Variants in MELTF observed in about 807,000 individuals in gnomAD.
The protein encoded by MELTF is antigen p97 (melanoma associated) identified by monoclonal antibodies 133.2 and 96.5.
In MELTF, 67 loss-of-function variants were observed where a neutral mutation model predicts 83.7. The observed-to-expected ratio is 0.80, with a 90% CI of 0.66 to 0.98. MELTF has a LOEUF of 0.98. Ranked by LOEUF, MELTF falls within the 50% of genes least tolerant of loss-of-function variation. The pLI, the probability that MELTF is intolerant of heterozygous loss-of-function variation, is 0.00. For missense variants in MELTF, 1,002 were observed against 1,035.6 expected, an observed-to-expected ratio of 0.97 and a Z score of 0.44; for synonymous variants, 462 against 447.6, an observed-to-expected ratio of 1.03 and a Z score of -0.41.
In MELTF at chr3:197,022,953, T is replaced by C; in HGVS notation, c.644+4A>G. The stretch of plus-strand genomic sequence containing the variant: ...CGGCCCCTCCCTGCCCCCACTCCGC[T>C]CACCGGAAGGCCCCGCTGTAGTCGT... On this transcript the variant is annotated splice_donor_region_variant and intron_variant, in intron 5 of 15. Transcript: ENST00000296350. The surrounding 1 kb of genome is among the most constrained non-coding windows in gnomAD (Gnocchi z 5.1). The C allele has an allele frequency of 6.2e-7, 1 of 1,603,678 alleles. No individual in the cohort carries two copies.
chr3:197,016,230 T>TG lies in MELTF; in HGVS notation c.1039_1040insC (p.Glu347AlafsTer12), dbSNP rs1719366766. 6.3e-7 allele frequency: 1 copy of TG among 1,599,108 alleles called. No individual in the cohort carries two copies. The highest frequency in any genetic ancestry group is 8.5e-7 in the Non-Finnish European group (1 of 1,172,966). On this transcript the variant is annotated frameshift_variant, in exon 8 of 16. Transcript: ENST00000296350. LOFTEE classifies it high-confidence loss of function. Reference sequence around the variant, plus strand: ...CAGACCCTTCATGGCGTGCAGGTACTCATGGCCCAGCCACGCCTCATAGGT... The same window carrying TG: ...CAGACCCTTCATGGCGTGCAGGTACTGCATGGCCCAGCCACGCCTCATAGGT...
chr3:197,022,857 C>T lies in MELTF; in HGVS notation c.644+100G>A. The stretch of plus-strand genomic sequence containing the variant: ...ATGAGACGCAGCCAACATGCCACTT[C>T]CCCCTCCACGGCCCTCTCTGGGCAA... On this transcript the variant is annotated intron_variant, in intron 5 of 15. Transcript: ENST00000296350. This position sits in a 1 kb window ranked among gnomAD's most constrained non-coding sequence, Gnocchi z 5.1. The T allele has an allele frequency of 8.7e-7, 1 of 1,152,832 alleles. No individual in the cohort carries two copies. The highest frequency in any genetic ancestry group is 1.2e-6 in the Non-Finnish European group (1 of 803,966). The allele number at this position is 1,152,832 out of a possible 1,614,324, so 71.4% of individuals were successfully genotyped here. A position where few individuals can be genotyped will look rare whatever the true frequency, so the allele number is the denominator to read the frequency against.
chr3:197,027,849 G>A lies in MELTF; in HGVS notation c.111C>T (p.Gly37=), dbSNP rs779982027. Residue 37 remains glycine (G), a synonymous_variant, in exon 2 of 16, where the codon GGC becomes GGT. Coordinates refer to ENST00000296350, the MANE Select transcript of MELTF (RefSeq NM_005929.6). The part of the protein sequence containing the change: ...ATSDPEQHKC[G]NMSEAFREAG... The stretch of plus-strand genomic sequence containing the variant: ...CTTCCCGGAAGGCCTCGCTCATGTT[G>A]CCGCACTTGTGCTGCTCTGGGTCCG... 1 of 1,611,162 alleles carries A rather than the reference G, an allele frequency of 6.2e-7. No homozygotes were observed. Among genetic ancestry groups the A allele is most frequent in the East Asian group, 2.2e-5 (1 of 44,838 alleles).
At position 197,029,414 on chromosome 3, in the gene MELTF, G is replaced by C. The variant is rs933610776; in HGVS notation, c.49+240C>G. On this transcript the variant is annotated intron_variant, in intron 1 of 15. Transcript: ENST00000296350. This position sits in a 1 kb window ranked among gnomAD's most constrained non-coding sequence, Gnocchi z 6.5. Reference sequence around the variant, plus strand: ...ACGCCTCAGCCCGCGCTTCTCCTTGGAGCGTCGGAAGCCTCGGGTGTTCGA... The same window carrying C: ...ACGCCTCAGCCCGCGCTTCTCCTTGCAGCGTCGGAAGCCTCGGGTGTTCGA... The C allele has an allele frequency of 2.6e-6, 1 of 385,322 alleles. No individual in the cohort carries two copies. Among genetic ancestry groups the C allele is most frequent in the Non-Finnish European group, 4.6e-6 (1 of 218,426 alleles). 23.9% of individuals were successfully genotyped at this position (385,322 alleles called of 1,614,324 possible).
intron 3 of MELTF, 34 bp downstream of exon 3, chr3:197,026,626 G>A: frequency 6.3e-7 from 1 of 1,590,812 alleles, no homozygotes; most frequent in South Asian, 1.1e-5. Flanking sequence ...TTCCAGCGCA[G>A]GCTGTCCTCT....
At position 197,011,627 on chromosome 3, in the gene MELTF, G is replaced by C. The variant is rs887636859; in HGVS notation, c.1234-833C>G. 2.0e-5 allele frequency among the ~76,000 whole-genome samples: 3 copies of C among 152,114 alleles called. No homozygotes were observed. Among genetic ancestry groups the C allele is most frequent in the Non-Finnish European group, 4.4e-5 (3 of 68,002 alleles). On this transcript the variant is annotated intron_variant, in intron 9 of 15. Transcript: ENST00000296350. This position sits in a 1 kb window ranked among gnomAD's most constrained non-coding sequence, Gnocchi z 4.2. The stretch of plus-strand genomic sequence containing the variant: ...TTGGGGCCAGGAGGGTGCACAGCTC[G>C]GGGCCCTTTTTCCACCACTCAGACC...
rs2148596850 is a variant in MELTF at position 197,029,288 on chromosome 3, A to C, written c.49+366T>G. 4.7e-6 allele frequency: 1 copy of C among 210,982 alleles called. No homozygotes were observed. The highest frequency in any genetic ancestry group is 9.4e-6 in the Non-Finnish European group (1 of 106,710). The allele number at this position is 210,982 out of a possible 1,614,324, so 13.1% of individuals were successfully genotyped here. On this transcript the variant is annotated intron_variant, in intron 1 of 15. Transcript: ENST00000296350. This position sits in a 1 kb window ranked among gnomAD's most constrained non-coding sequence, Gnocchi z 6.5. ...ATCTTCTCCCGCGGGGGCTCGGGAG[A>C]AAGAGCTGCTCCGAGCCCCCAAAGT...
intron 1 of MELTF, 37 bp from the exon 2 acceptor site, chr3:197,027,947 C>A (rs777732023): frequency 6.5e-7 from 1 of 1,532,412 alleles, no homozygotes; most frequent in Non-Finnish European, 8.8e-7. Context: ...GCTCCCCCGC[C>A]CTGCCCAGCC....
Position 197,003,194 on chromosome 3 carries a change from G to A in MELTF, c.*178C>T, listed in dbSNP as rs1718817963. On this transcript the variant is annotated 3_prime_UTR_variant, in exon 16 of 16. Transcript: ENST00000296350. This position sits in a 1 kb window ranked among gnomAD's most constrained non-coding sequence, Gnocchi z 6.2. ...GCGGGAAGGGCCGCGCGGGCCCGGG[G>A]GCGGCGCCTCAGGTAGCAGCGCCAG... 1.6e-6 allele frequency: 1 copy of A among 632,506 alleles called. No homozygotes were observed. Among genetic ancestry groups the A allele is most frequent in the African/African-American group, 2.0e-5 (1 of 50,248 alleles). 39.2% of individuals were successfully genotyped at this position (632,506 alleles called of 1,614,324 possible).
intron 6 of MELTF, among the ~76,000 whole-genome samples, chr3:197,020,583 T>C (rs1358592518): frequency 6.6e-6 from 1 of 152,216 alleles, no homozygotes; most frequent in African/African-American, 2.4e-5. Context: ...GTTATTCTTG[T>C]AAGTTTTCCA....
In MELTF at chr3:197,018,997, A is replaced by G. The variant is rs115894920; in HGVS notation, c.713-1707T>C. ...TATGACCTTAAGACAAGGAGGAAAA[A>G]AACCTCTACAAGGAAATAGGAAGAA... On this transcript the variant is annotated intron_variant, in intron 6 of 15. Coordinates refer to ENST00000296350, the MANE Select transcript of MELTF (RefSeq NM_005929.6). The G allele has an allele frequency of 6.8e-4, 666 of 985,450 alleles. 4 individuals carry two copies. In the African/African-American group the frequency reaches 9.9e-3, roughly 15 times the overall value. The allele number at this position is 985,450 out of a possible 1,614,324, so 61.0% of individuals were successfully genotyped here. A position where few individuals can be genotyped will look rare whatever the true frequency, so the allele number is the denominator to read the frequency against.
chr3:197,022,570 C>T lies in MELTF; in HGVS notation c.644+387G>A, dbSNP rs551103163. On this transcript the variant is annotated intron_variant, in intron 5 of 15. Coordinates refer to ENST00000296350, the MANE Select transcript of MELTF (RefSeq NM_005929.6). The surrounding 1 kb of genome is among the most constrained non-coding windows in gnomAD (Gnocchi z 5.1). ...GTCTCCTGCATCCACGGAAGGGTTA[C>T]CCAAGGTGCCAGCCGCAACCAGCAG... Among the ~76,000 whole-genome samples the T allele has an allele frequency of 6.6e-6, 1 of 152,268 alleles. No homozygotes were observed. Among genetic ancestry groups the T allele is most frequent in the African/African-American group, 2.4e-5 (1 of 41,536 alleles).
intron 1 of MELTF, 117 bp from the exon 2 acceptor site, chr3:197,028,027 G>A (rs1215438091): frequency 8.1e-7 from 1 of 1,235,438 alleles, no homozygotes; most frequent in Non-Finnish European, 1.1e-6. Flanking sequence ...CAGTCCTCTA[G>A]GGCAGCCCTG....
In MELTF at chr3:197,022,121, G is replaced by A. The variant is rs536503398; in HGVS notation, c.645-650C>T. ...AGAATCCTCAGTGGAAGGGACCATT[G>A]ACTTTTACACGATCTGCTGATGTCA... On this transcript the variant is annotated intron_variant, in intron 5 of 15. Transcript: ENST00000296350. This position sits in a 1 kb window ranked among gnomAD's most constrained non-coding sequence, Gnocchi z 5.1. 3.2e-4 allele frequency among the ~76,000 whole-genome samples: 48 copies of A among 152,314 alleles called. No individual in the cohort carries two copies. Among genetic ancestry groups the A allele is most frequent in the African/African-American group, 1.1e-3 (47 of 41,564 alleles).
At chr3:197,005,337 T>A (rs1321728268) in intron 14 of MELTF, among the ~76,000 whole-genome samples, 1 of 152,172 alleles carries the variant, frequency 6.6e-6, no homozygotes, top group Admixed American at 6.5e-5. Flanking sequence ...GGGTCCAACT[T>A]TGGACTTGAT....
At position 197,027,089 on chromosome 3, in the gene MELTF, C is replaced by T. The variant is rs182635150; in HGVS notation, c.205-330G>A. The T allele has an allele frequency of 3.2e-3, 1,001 of 316,606 alleles. 1 individual carries two copies. The highest frequency in any genetic ancestry group is 5.5e-3 in the Non-Finnish European group (908 of 165,746). The allele number at this position is 316,606 out of a possible 1,614,324, so 19.6% of individuals were successfully genotyped here. On this transcript the variant is annotated intron_variant, in intron 2 of 15. Coordinates refer to ENST00000296350, the MANE Select transcript of MELTF (RefSeq NM_005929.6). ...CTTTCTGTCCCTCCACCCTGCGCCT[C>T]TACTGCTACCCTAGGTTTTCTAGCT...
intron 6 of MELTF, 32 bp downstream of exon 6, chr3:197,021,372 C>T (rs1719615672): frequency 6.2e-7 from 1 of 1,611,992 alleles, no homozygotes; most frequent in Non-Finnish European, 8.5e-7. Flanking sequence ...TGACTCCCTG[C>T]TCCTCTGGGC....
intron 3 of MELTF, chr3:197,025,579 G>A (rs571879923): frequency 3.9e-5 from 6 of 152,362 alleles, no homozygotes; most frequent in Non-Finnish European, 8.8e-5. Flanking sequence ...TGCTCTGTGG[G>A]GGCAGGAAGG....
At chr3:197,018,863 T>C (rs1719505538) in intron 6 of MELTF, 5 of 901,594 alleles carry the variant, frequency 5.5e-6, no homozygotes, top group Admixed American at 1.2e-4. Context: ...TGTTTCTCGA[T>C]AGAAAAGAAA....
Sources: allele counts gnomAD v4.1 joint callset (sites outside exome capture counted in the v4.1 genomes callset), GRCh38; gene constraint gnomAD v4.1.1; non-coding constraint Gnocchi (gnomAD v3.1); transcripts MANE v1.5; gene names NCBI Gene and HGNC (gene_info 2026-07-23, HGNC 2026-07-21).